TPTE2: variants seen among roughly 807,000 people sequenced by gnomAD.
The protein encoded by TPTE2 is phosphatidylinositol 3,4,5-trisphosphate 3-phosphatase TPTE2.
Under a neutral mutation model 78.6 loss-of-function variants are expected in TPTE2, and 53 were observed. The ratio of observed to expected loss-of-function variants is 0.67; its 90% CI spans 0.54 to 0.85. The LOEUF is 0.85. Among genes scored for constraint, TPTE2 ranks in the 40% least tolerant of loss-of-function variants. The pLI, the probability that TPTE2 is intolerant of heterozygous loss-of-function variation, is 0.00. For missense variants in TPTE2, 461 were observed against 623.0 expected, an observed-to-expected ratio of 0.74 and a Z score of 2.77; for synonymous variants, 175 against 206.2, an observed-to-expected ratio of 0.85 and a Z score of 1.30.
At chr13:19,506,239 T>G (rs945725754), upstream of TPTE2, among the ~76,000 whole-genome samples, 2 of 120,976 alleles carry the variant, frequency 1.7e-5, no homozygotes, top group African/African-American at 6.1e-5. Flanking sequence ...TGGCGGGATC[T>G]CGGCTCACTG....
At chr13:19,552,709 ATG>A in the TPTE2 span, 2,088 of 602,162 alleles carry the variant, frequency 3.5e-3, 23 homozygotes, top group African/African-American at 0.035. Flanking sequence ...AGTGAAGGTG[ATG>A]TGTCGTATAA....
intron 19 of TPTE2, among the ~76,000 whole-genome samples, chr13:19,424,584 C>T (rs551480770): frequency 8.5e-5 from 13 of 152,246 alleles, no homozygotes; most frequent in African/African-American, 2.6e-4. Context: ...GATGGTGGTT[C>T]GTCATTGGTA....
intron 5 of TPTE2, among the ~76,000 whole-genome samples, 179 bp downstream of exon 8, chr13:19,475,394 T>G (rs994980416): frequency 1.3e-5 from 2 of 152,166 alleles, no homozygotes; most frequent in African/African-American, 4.8e-5. Context: ...CTTGGCTAAT[T>G]TTTGTATTTT....
the TPTE2 span, among the ~76,000 whole-genome samples, chr13:19,559,644 G>C: frequency 6.5e-4 from 99 of 151,752 alleles, 1 homozygote; most frequent in African/African-American, 2.1e-3. Flanking sequence ...GGATTAAGCA[G>C]CAGCAAAAGC....
chr13:19,469,980 C>A (rs892907742), intron 6 of TPTE2, among the ~76,000 whole-genome samples: 1 of 152,138 alleles, frequency 6.6e-6, no homozygotes, highest in Non-Finnish European at 1.5e-5. Flanking sequence ...GATAATTTTA[C>A]TTCTTCCATC....
Position 19,466,453 on chromosome 13 carries a change from T to C in TPTE2, c.512+772A>G, listed in dbSNP as rs369321113. ...AAAAAGAAATCAGCTATTTGACCCATGAACAAGCTTAGGAAGCCACCATCT... is the reference window on the plus strand; with the variant it reads ...AAAAAGAAATCAGCTATTTGACCCACGAACAAGCTTAGGAAGCCACCATCT... On this transcript the variant is annotated intron_variant, in intron 7 of 19. Transcript: ENST00000400230. 4.2e-3 allele frequency among the ~76,000 whole-genome samples: 635 copies of C among 152,318 alleles called. 5 individuals carry two copies. Among genetic ancestry groups the C allele is most frequent in the South Asian group, 0.026 (124 of 4,830 alleles).
intron 3 of TPTE2, among the ~76,000 whole-genome samples, chr13:19,485,305 A>G (rs956933321): frequency 6.6e-6 from 1 of 152,098 alleles, no homozygotes; most frequent in African/African-American, 2.4e-5. Flanking sequence ...CTTCATTTGT[A>G]AAGGATAGCT....
chr13:19,534,909 A>G (rs140690131), intron 1 of TPTE2, among the ~76,000 whole-genome samples: 22 of 152,202 alleles, frequency 1.4e-4, no homozygotes, highest in African/African-American at 2.4e-5. Context: ...GAATCTTAAG[A>G]TAATATACTC....
At chr13:19,430,688 T>A in intron 16 of TPTE2, 141 bp from the exon 20 acceptor site, 1 of 627,876 alleles carries the variant, frequency 1.6e-6, no homozygotes, top group South Asian at 2.2e-5. Context: ...TGGTCTTGCA[T>A]GGATTTTGTC....
At chr13:19,459,314 C>G (rs1470141787) in intron 10 of TPTE2, among the ~76,000 whole-genome samples, 1 of 152,052 alleles carries the variant, frequency 6.6e-6, no homozygotes, top group Non-Finnish European at 1.5e-5. Context: ...GAATGAGATA[C>G]TGCCGGTGAA....
At chr13:19,517,735 GTGCTTTTGTGAT>G (rs1324702918) in intron 1 of TPTE2, among the ~76,000 whole-genome samples, 2 of 152,094 alleles carry the variant, frequency 1.3e-5, no homozygotes, top group African/African-American at 4.8e-5. Flanking sequence ...CAGAATCCTG[GTGCTTTTGTGAT>G]TGTTGTAGAG....
chr13:19,425,239 A>G (rs1875941531), intron 18 of TPTE2, among the ~76,000 whole-genome samples: 1 of 152,210 alleles, frequency 6.6e-6, no homozygotes, highest in Admixed American at 6.5e-5. Context: ...ATTTTCAAGG[A>G]ATAGTGTTTT....
chr13:19,497,583 G>A lies in TPTE2; in HGVS notation c.12-4082C>T, dbSNP rs1377887069. Among the ~76,000 whole-genome samples, 10 of 79,602 alleles carry A rather than the reference G, an allele frequency of 1.3e-4. 3 individuals are homozygous for A. The highest frequency in any genetic ancestry group is 1.8e-4 in the African/African-American group (6 of 33,894). 52.2% of individuals were successfully genotyped at this position (79,602 alleles called of 152,430 possible). A position where few individuals can be genotyped will look rare whatever the true frequency, so the allele number is the denominator to read the frequency against. On this transcript the variant is annotated intron_variant, in intron 1 of 19. Transcript: ENST00000400230. ...AGGGTATTCCAACAGACCTGCAGCT[G>A]AGGGTCCTGTCTGTTAGAAAGAAAA...
At chr13:19,423,140 C>T in exon 20 of TPTE2, 1 of 1,607,944 alleles carries the variant, frequency 6.2e-7, no homozygotes, top group Non-Finnish European at 8.5e-7. Flanking sequence ...GTGGATTATC[C>T]AATTCATTTC....
At chr13:19,539,987 G>A (rs1871393221), upstream of TPTE2, among the ~76,000 whole-genome samples, 1 of 151,994 alleles carries the variant, frequency 6.6e-6, no homozygotes, top group Admixed American at 6.6e-5. Context: ...TCTACTAAAA[G>A]TGCAAAATTA....
chr13:19,506,417 C>G (rs1869049587), upstream of TPTE2, among the ~76,000 whole-genome samples: 1 of 151,836 alleles, frequency 6.6e-6, no homozygotes, highest in Non-Finnish European at 1.5e-5. Flanking sequence ...TCGTGATCCG[C>G]CCGCCTTGGC....
chr13:19,516,008 C>T (rs1479872900), intron 1 of TPTE2, among the ~76,000 whole-genome samples: 1 of 152,162 alleles, frequency 6.6e-6, no homozygotes, highest in Non-Finnish European at 1.5e-5. Flanking sequence ...TGCTTTGGGG[C>T]ACAGAATGAC....
At position 19,486,369 on chromosome 13, in the gene TPTE2, G is replaced by A. The variant is rs1221042178; in HGVS notation, c.120-3822C>T. On this transcript the variant is annotated intron_variant, in intron 3 of 19. Coordinates refer to ENST00000400230, the Ensembl canonical transcript of TPTE2. This position sits in a 1 kb window ranked among gnomAD's most constrained non-coding sequence, Gnocchi z 4.3. ...CAGCCTTGCCAGGGGTGGGCTCACT[G>A]GGCTGTTTCTCAGGGTAGGGGTGTG... 6.6e-6 allele frequency among the ~76,000 whole-genome samples: 1 copy of A among 152,186 alleles called. No individual in the cohort carries two copies.
At chr13:19,478,881 A>C (rs1880139937) in intron 4 of TPTE2, among the ~76,000 whole-genome samples, 1 of 152,120 alleles carries the variant, frequency 6.6e-6, no homozygotes, top group South Asian at 2.1e-4. Context: ...GAAGCTGGAA[A>C]CCATCATTCT....
Sources: gnomAD v4.1 joint callset for allele counts (sites outside exome capture counted in the v4.1 genomes callset) on GRCh38, gnomAD v4.1.1 for gene constraint, Gnocchi (gnomAD v3.1) non-coding constraint, MANE v1.5 for transcripts, NCBI Gene and HGNC (gene_info 2026-07-23, HGNC 2026-07-21) for gene names.